The following MPPED1 variants were observed in gnomAD, a reference collection of about 807,000 sequenced individuals.
MPPED1 encodes metallophosphoesterase domain-containing protein 1.
MPPED1 carries 16 observed loss-of-function variants against 36.2 expected under a neutral mutation model. The ratio of observed to expected loss-of-function variants is 0.44; its 90% confidence interval spans 0.30 to 0.67. MPPED1 has a LOEUF of 0.67. MPPED1 is among the 30% of genes least tolerant of loss of function. The pLI, the probability that MPPED1 is intolerant of heterozygous loss-of-function variation, is 0.10. For missense variants in MPPED1, 307 were observed against 453.4 expected (o/e 0.68, Z 2.93); for synonymous variants, 199 against 191.3 (o/e 1.04, Z -0.33).
intron 3 of MPPED1, among the ~76,000 whole-genome samples, chr22:43,438,138 C>T (rs1157210298): frequency 1.3e-5 from 2 of 152,112 alleles, no homozygotes; most frequent in Non-Finnish European, 2.9e-5. Context: ...TGCGAGGGGA[C>T]GGTGGCTTCA....
Position 43,502,930 on chromosome 22 carries a change from G to A in MPPED1, c.862+173G>A, listed in dbSNP as rs564177065. ...GGCTGTCAATGAGCTATTGCTAAAT[G>A]TTTAATAATAGGAAGATGATCACAA... On this transcript the variant is annotated intron_variant, in intron 6 of 6. Coordinates refer to ENST00000443721, the MANE Select transcript of MPPED1 (RefSeq NM_001044370.2). The surrounding 1 kb of genome is among the most constrained non-coding windows in gnomAD (Gnocchi z 5.5). 3.3e-5 allele frequency among the ~76,000 whole-genome samples: 5 copies of A among 152,314 alleles called. No individual in the cohort carries two copies. The highest frequency in any genetic ancestry group is 1.2e-4 in the African/African-American group (5 of 41,574).
intron 4 of MPPED1, among the ~76,000 whole-genome samples, chr22:43,495,484 G>A (rs1932252982): frequency 2.7e-5 from 1 of 36,488 alleles, no homozygotes; most frequent in East Asian, 9.1e-4. Context: ...TGGAGGTGGT[G>A]GTGGAGGTAG....
At chr22:43,472,311 AC>A (rs1338593942) in intron 3 of MPPED1, among the ~76,000 whole-genome samples, 1 of 151,894 alleles carries the variant, frequency 6.6e-6, no homozygotes. Context: ...TAGTTTGCAA[AC>A]TCTGGCCCAG....
At chr22:43,489,708 G>A (rs1392450110) in intron 4 of MPPED1, among the ~76,000 whole-genome samples, 2 of 152,044 alleles carry the variant, frequency 1.3e-5, no homozygotes, top group East Asian at 1.9e-4. Flanking sequence ...TAGTAGAGAC[G>A]GGTTTTCACC....
At position 43,443,389 on chromosome 22, in the gene MPPED1, G is replaced by A. The variant is rs971472607; in HGVS notation, c.406+8174G>A. 3.9e-5 allele frequency among the ~76,000 whole-genome samples: 6 copies of A among 152,276 alleles called. No individual in the cohort carries two copies. The South Asian group carries it at 8.3e-4, about 21-fold the overall frequency. On this transcript the variant is annotated intron_variant, in intron 3 of 6. Transcript: ENST00000443721. ...CTGACTGTAGCAGGCAGGAGAGGAC[G>A]CCAGGGTACCAGGAGAGGCTGGTGC...
chr22:43,424,435 G>A (rs1929384921), intron 1 of MPPED1, among the ~76,000 whole-genome samples: 2 of 152,184 alleles, frequency 1.3e-5, no homozygotes, highest in Non-Finnish European at 2.9e-5. Flanking sequence ...TGGGCGTGGG[G>A]CCATGTGGGT....
chr22:43,480,996 G>A (rs1027600748), intron 4 of MPPED1, among the ~76,000 whole-genome samples: 2 of 151,826 alleles, frequency 1.3e-5, no homozygotes, highest in South Asian at 2.1e-4. Flanking sequence ...GCTAATTTTT[G>A]TATTTTTGTA....
intron 3 of MPPED1, among the ~76,000 whole-genome samples, chr22:43,454,252 G>A (rs974055577): frequency 4.6e-5 from 7 of 151,418 alleles, no homozygotes; most frequent in African/African-American, 9.7e-5. Context: ...CAGGTGATCC[G>A]CCCTCCTTGG....
At position 43,435,354 on chromosome 22, in the gene MPPED1, C is replaced by T. The variant is rs1280643155; in HGVS notation, c.406+139C>T. On this transcript the variant is annotated intron_variant, in intron 3 of 6. Coordinates refer to ENST00000443721, the MANE Select transcript of MPPED1 (RefSeq NM_001044370.2). ...GGCCTGTGCCTGCCTGGTCACCCTC[C>T]CTGACCTCTCAGAGCAGGTGCCCCT... 3.5e-6 allele frequency: 3 copies of T among 868,902 alleles called. No homozygotes were observed. The Admixed American group carries it at 8.0e-5, about 23-fold the overall frequency. The allele number at this position is 868,902 out of a possible 1,614,324, so 53.8% of individuals were successfully genotyped here. A position where few individuals can be genotyped will look rare whatever the true frequency, so the allele number is the denominator to read the frequency against.
intron 3 of MPPED1, among the ~76,000 whole-genome samples, chr22:43,449,366 C>G (rs982076850): frequency 1.3e-5 from 2 of 152,022 alleles, no homozygotes; most frequent in Non-Finnish European, 2.9e-5. Context: ...GTCTCCAGGG[C>G]AGGGATCTGG....
At chr22:43,448,018 A>G (rs1283059273) in intron 3 of MPPED1, among the ~76,000 whole-genome samples, 1 of 150,964 alleles carries the variant, frequency 6.6e-6, no homozygotes, top group Non-Finnish European at 1.5e-5. Flanking sequence ...AGCTGGGATT[A>G]CAGGCACCCA....
intron 5 of MPPED1, among the ~76,000 whole-genome samples, chr22:43,499,510 G>A (rs1400862947): frequency 6.8e-6 from 1 of 146,230 alleles, no homozygotes; most frequent in Non-Finnish European, 1.5e-5. Context: ...TGGTAATGGA[G>A]GTGATGGTGG....
chr22:43,486,714 C>T (rs28643008), intron 4 of MPPED1, among the ~76,000 whole-genome samples: 52,237 of 151,728 alleles, frequency 0.34, 10,319 homozygotes, highest in East Asian at 0.51. Flanking sequence ...GCCTGCACCC[C>T]GGGAAATGGG....
At chr22:43,455,440 T>C (rs1169522144) in intron 3 of MPPED1, among the ~76,000 whole-genome samples, 1 of 152,060 alleles carries the variant, frequency 6.6e-6, no homozygotes, top group Non-Finnish European at 1.5e-5. Context: ...ACACCAGTCA[T>C]TGGATTAGAG....
intron 3 of MPPED1, among the ~76,000 whole-genome samples, chr22:43,459,236 G>A (rs1361261581): frequency 1.3e-5 from 2 of 152,046 alleles, no homozygotes; most frequent in African/African-American, 4.8e-5. Context: ...TGCACACCAC[G>A]ATGCCAGCTA....
Position 43,474,959 on chromosome 22 carries a change from A to G in MPPED1, c.630A>G (p.Pro210=). 6.2e-7 allele frequency: 1 copy of G among 1,613,808 alleles called. No homozygotes were observed. Among genetic ancestry groups the G allele is most frequent in the South Asian group, 1.1e-5 (1 of 91,086 alleles). Residue 210 remains proline (P), a splice_region_variant and synonymous_variant, in exon 4 of 7, where the codon CCA becomes CCG. Coordinates refer to ENST00000443721, the MANE Select transcript of MPPED1 (RefSeq NM_001044370.2). The surrounding 1 kb of genome is among the most constrained non-coding windows in gnomAD (Gnocchi z 5.2). The part of the protein sequence containing the change: ...TVRGFRIYGS[P]WQPWFYGWGF... ...GGGGCTTCCGGATCTATGGCTCCCC[A>G]TGGTGAGTGGGCCTGGGTGCTGGTC...
chr22:43,463,792 A>G (rs143015981), intron 3 of MPPED1, among the ~76,000 whole-genome samples: 1 of 119,314 alleles, frequency 8.4e-6, no homozygotes, highest in African/African-American at 2.9e-5. Flanking sequence ...ACTGTGGTTG[A>G]TTTTTCATTT....
intron 4 of MPPED1, among the ~76,000 whole-genome samples, chr22:43,486,722 G>A (rs1931922814): frequency 6.6e-6 from 1 of 151,910 alleles, no homozygotes; most frequent in South Asian, 2.1e-4. Context: ...CCCGGGAAAT[G>A]GGGGCCCTGG....
Position 43,448,606 on chromosome 22 carries a change from ATTTATTT to A in MPPED1, c.406+13392_406+13398del, listed in dbSNP as rs1930448527. Among the ~76,000 whole-genome samples, 6 of 150,676 alleles carry A rather than the reference ATTTATTT, an allele frequency of 4.0e-5. No individual in the cohort carries two copies. The South Asian group carries it at 1.3e-3, about 32-fold the overall frequency. On this transcript the variant is annotated intron_variant, in intron 3 of 6. Coordinates refer to ENST00000443721, the MANE Select transcript of MPPED1 (RefSeq NM_001044370.2). ...TATTTATTTATTTATTTATTTATTT[ATTTATTT>A]ATTTATTGAGACAGAGTCTCGCTCT...
Sources: gnomAD v4.1 joint callset for allele counts (sites outside exome capture counted in the v4.1 genomes callset) on GRCh38, gnomAD v4.1.1 for gene constraint, Gnocchi (gnomAD v3.1) non-coding constraint, MANE v1.5 for transcripts, NCBI Gene and HGNC (gene_info 2026-07-23, HGNC 2026-07-21) for gene names.